Variants in MAP4 observed in about 807,000 individuals in gnomAD.
MAP4 encodes microtubule associated protein 4, also known as microtubule-associated protein 4.
Under a neutral mutation model 170.2 loss-of-function variants are expected in MAP4, and 76 were observed. The observed-to-expected ratio is 0.45, with a 90% CI of 0.37 to 0.54. The LOEUF is 0.54. MAP4 is among the 20% of genes least tolerant of loss of function. MAP4 has a pLI of 0.00. For synonymous variants in MAP4, 909 were observed against 994.5 expected, an observed-to-expected ratio of 0.91 and a Z score of 1.62; for missense variants, 2,506 against 2,748.0, an observed-to-expected ratio of 0.91 and a Z score of 1.97.
intron 1 of MAP4, among the ~76,000 whole-genome samples, chr3:48,079,631 G>A (rs1033675471): frequency 3.4e-5 from 5 of 149,214 alleles, no homozygotes; most frequent in African/African-American, 1.2e-4. Flanking sequence ...TTCCAGCCTG[G>A]GTGACACAGC....
rs559696839 is a variant in MAP4, at chr3:47,952,941, CA to C, written c.293-24592del. On this transcript the variant is annotated intron_variant, in intron 3 of 20. Coordinates refer to ENST00000683076, the MANE Select transcript of MAP4 (RefSeq NM_001385682.1). ...TCCATCTCAAAAAATAAATAAAATA[CA>C]AAAAAAAAATTGGTTTGTGTATTTT... Among the ~76,000 whole-genome samples the C allele has an allele frequency of 4.3e-3, 628 of 147,680 alleles. 6 individuals carry two copies. Among genetic ancestry groups the C allele is most frequent in the African/African-American group, 0.015 (594 of 40,418 alleles).
intron 17 of MAP4, among the ~76,000 whole-genome samples, chr3:47,858,557 C>A (rs139316201): frequency 6.6e-6 from 1 of 150,934 alleles, no homozygotes; most frequent in East Asian, 1.9e-4. Context: ...CTTTTCAATG[C>A]ATTTTCCCCT....
At chr3:47,946,268 T>C (rs1054649053) in intron 3 of MAP4, among the ~76,000 whole-genome samples, 5 of 151,748 alleles carry the variant, frequency 3.3e-5, no homozygotes, top group Admixed American at 3.3e-4. Flanking sequence ...TCAGGACTAT[T>C]ACACTAATTT....
intron 3 of MAP4, among the ~76,000 whole-genome samples, chr3:47,957,233 T>C (rs2100068379): frequency 6.6e-6 from 1 of 152,224 alleles, no homozygotes; most frequent in African/African-American, 2.4e-5. Flanking sequence ...AGTGGCACGA[T>C]CTTGTCTCAC....
intron 3 of MAP4, among the ~76,000 whole-genome samples, chr3:47,945,337 T>A (rs183501655): frequency 6.6e-6 from 1 of 152,170 alleles, no homozygotes; most frequent in South Asian, 2.1e-4. Flanking sequence ...AACCTATGCA[T>A]ACATTTAAAA....
chr3:47,962,536 T>C (rs1176708139), intron 3 of MAP4, among the ~76,000 whole-genome samples: 1 of 152,232 alleles, frequency 6.6e-6, no homozygotes, highest in Non-Finnish European at 1.5e-5. Context: ...CCTATATCTG[T>C]CATTCCTGTA....
intron 1 of MAP4, among the ~76,000 whole-genome samples, chr3:48,074,869 A>C (rs986289126): frequency 5.3e-5 from 8 of 152,062 alleles, no homozygotes; most frequent in African/African-American, 1.9e-4. Context: ...GACATAAACA[A>C]ATGGAAAGGC....
At chr3:47,898,488 G>A (rs1254425214) in intron 10 of MAP4, among the ~76,000 whole-genome samples, 2 of 149,068 alleles carry the variant, frequency 1.3e-5, no homozygotes, top group African/African-American at 5.0e-5. Flanking sequence ...CCAACAGGGC[G>A]AGACTCCGCC....
intron 1 of MAP4, among the ~76,000 whole-genome samples, chr3:48,077,434 G>A (rs1317139442): frequency 1.4e-5 from 2 of 138,316 alleles, no homozygotes; most frequent in Non-Finnish European, 3.1e-5. Context: ...CAACAAGAAC[G>A]AAACTCAGTC....
intron 17 of MAP4, among the ~76,000 whole-genome samples, chr3:47,865,155 A>G (rs907980287): frequency 1.3e-5 from 2 of 152,176 alleles, no homozygotes; most frequent in African/African-American, 4.8e-5. Flanking sequence ...TACACATGTG[A>G]GGTCATGTGT....
At chr3:48,028,823 T>A (rs958128588) in intron 1 of MAP4, among the ~76,000 whole-genome samples, 1 of 149,040 alleles carries the variant, frequency 6.7e-6, no homozygotes, top group African/African-American at 2.5e-5. Context: ...TAGAACATAA[T>A]CAGAACTTCA....
intron 2 of MAP4, among the ~76,000 whole-genome samples, chr3:47,990,363 T>C (rs752252004): frequency 1.1e-4 from 16 of 152,142 alleles, no homozygotes; most frequent in Non-Finnish European, 2.2e-4. Context: ...CCCAGCACTA[T>C]GGGAAGTCAA....
chr3:47,864,370 G>A (rs756372850), intron 17 of MAP4, among the ~76,000 whole-genome samples: 9 of 151,984 alleles, frequency 5.9e-5, no homozygotes, highest in South Asian at 2.1e-4. Context: ...GCAAAACCCC[G>A]TCTCTACTAA....
intron 3 of MAP4, among the ~76,000 whole-genome samples, chr3:47,950,566 C>T (rs563214428): frequency 1.3e-5 from 2 of 151,468 alleles, no homozygotes; most frequent in East Asian, 1.9e-4. Flanking sequence ...ATTTTAGACT[C>T]GAGTAAATTA....
At chr3:48,050,246 G>A (rs530101350) in intron 1 of MAP4, among the ~76,000 whole-genome samples, 7 of 137,874 alleles carry the variant, frequency 5.1e-5, no homozygotes, top group South Asian at 4.9e-4. Context: ...GCAAAAGAGC[G>A]AGACTCCATC....
At chr3:47,979,702 C>G (rs890807509) in intron 2 of MAP4, among the ~76,000 whole-genome samples, 4 of 152,176 alleles carry the variant, frequency 2.6e-5, no homozygotes, top group African/African-American at 9.7e-5. Flanking sequence ...CTCAGGTGAT[C>G]CGCCTGCTTC....
In MAP4 at chr3:47,930,186, C is replaced by T. The variant is rs373282542; in HGVS notation, c.293-1836G>A. Among the ~76,000 whole-genome samples, 204 of 152,112 alleles carry T rather than the reference C, an allele frequency of 1.3e-3. 3 individuals are homozygous for T. The South Asian group carries it at 0.04, about 30-fold the overall frequency. ...ACAGGCCGGGCGCGGTGGCTCACGC[C>T]TGTAATCCCAGCACTTTGGGAGGCC... On this transcript the variant is annotated intron_variant, in intron 3 of 20. Transcript: ENST00000683076.
At chr3:47,984,536 T>G (rs1448882776) in intron 2 of MAP4, among the ~76,000 whole-genome samples, 2 of 152,028 alleles carry the variant, frequency 1.3e-5, no homozygotes, top group Admixed American at 1.3e-4. Flanking sequence ...AAAATATAAA[T>G]TTTACAGTAA....
At chr3:47,862,628 C>T (rs903305056) in intron 17 of MAP4, among the ~76,000 whole-genome samples, 6 of 152,018 alleles carry the variant, frequency 3.9e-5, no homozygotes, top group Admixed American at 3.9e-4. Context: ...CAGGCACGTG[C>T]CACCACGCCC....
Sources: allele counts gnomAD v4.1 joint callset (sites outside exome capture counted in the v4.1 genomes callset), GRCh38; gene constraint gnomAD v4.1.1; transcripts MANE v1.5; gene names NCBI Gene and HGNC (gene_info 2026-07-23, HGNC 2026-07-21).